The following ZNF75A variants were observed in gnomAD, a reference collection of about 807,000 sequenced individuals.
The protein encoded by ZNF75A is zinc finger protein 75A.
In ZNF75A, 36 loss-of-function variants were observed where a neutral mutation model predicts 46.3. That is an observed-to-expected ratio of 0.78 (90% CI 0.60 to 1.03). The LOEUF (loss-of-function observed/expected upper bound fraction) is 1.03. Among genes scored for constraint, ZNF75A ranks in the 50% least tolerant of loss-of-function variants. ZNF75A has a pLI of 0.00. For synonymous variants in ZNF75A, 234 were observed against 189.9 expected, an observed-to-expected ratio of 1.23 and a Z score of -1.91; for missense variants, 595 against 551.3, an observed-to-expected ratio of 1.08 and a Z score of -0.79.
At chr16:3,323,384 C>A (rs554593407), downstream of ZNF75A, 4 of 888,802 alleles carry the variant, frequency 4.5e-6, no homozygotes, top group Admixed American at 6.8e-5. Context: ...GCAAATGACA[C>A]CAAACTTCCC....
intron 3 of ZNF75A, 25 bp from the exon 4 acceptor site, chr16:3,312,652 T>A: frequency 1.0e-6 from 1 of 968,222 alleles, no homozygotes; most frequent in Non-Finnish European, 1.2e-6. Context: ...AAAAGAGATT[T>A]CTTCTGGCTC....
At chr16:3,312,881 G>C (rs1458718644) in intron 4 of ZNF75A, 113 bp downstream of exon 4, 12 of 1,169,324 alleles carry the variant, frequency 1.0e-5, no homozygotes, top group South Asian at 1.7e-5. Context: ...GGGCAACTGG[G>C]TACCTCCCAG....
chr16:3,308,074 C>T (rs563321366), intron 1 of ZNF75A: 1 of 152,306 alleles, frequency 6.6e-6, no homozygotes, highest in South Asian at 2.1e-4. Context: ...TTTTCTTACC[C>T]ACCAATCTTT....
downstream of ZNF75A, chr16:3,322,964 C>A: frequency 4.1e-6 from 4 of 983,866 alleles, no homozygotes; most frequent in Non-Finnish European, 4.8e-6. Flanking sequence ...AGGAGGCAGC[C>A]AATGTAGAAA....
downstream of ZNF75A, chr16:3,323,130 A>G (rs1716952557): frequency 2.2e-5 from 12 of 548,730 alleles, no homozygotes; most frequent in South Asian, 2.5e-4. Flanking sequence ...TCAAAAAAAC[A>G]AAAACACATG....
chr16:3,318,938 CA>C, downstream of ZNF75A: 1 of 725,240 alleles, frequency 1.4e-6, no homozygotes, highest in Non-Finnish European at 1.7e-6. Context: ...TTCTTTCCAG[CA>C]CAGCATTTAA....
chr16:3,312,330 C>CATA (rs1270609653), intron 3 of ZNF75A: 2 of 152,184 alleles, frequency 1.3e-5, no homozygotes, highest in Non-Finnish European at 2.9e-5. Context: ...CCAGGAAAAA[C>CATA]ATAATAAAAG....
At position 3,316,971 on chromosome 16, in the gene ZNF75A, T is replaced by C. The variant is rs200290388; in HGVS notation, c.883T>C (p.Trp295Arg). ...CTGTCTAGAGCAAGGGGAAGAGCCA[T>C]GGGTTCAAGTATCCCCGGAGTTTAA... ...ISCLEQGEEP[W>R]VQVSPEFKDS... The change falls in exon 6 of 7, where the codon TGG becomes CGG. Residue 295 changes from tryptophan to arginine, a missense_variant. Physicochemically the swap from Trp to Arg is moderately radical, Grantham distance 101. Transcript: ENST00000669516. 1.1e-5 allele frequency: 18 copies of C among 1,614,100 alleles called. No individual in the cohort carries two copies. In the East Asian group the frequency reaches 3.6e-4, roughly 32 times the overall value.
At chr16:3,318,981 G>T (rs1209222480), downstream of ZNF75A, 1 of 380,484 alleles carries the variant, frequency 2.6e-6, no homozygotes, top group Non-Finnish European at 3.6e-6. Context: ...TTGATGGATT[G>T]CCAAAAGTCT....
chr16:3,317,001 AG>A lies in ZNF75A; in HGVS notation c.914del (p.Ser305MetfsTer9). ...WVQVSPEFKD[S>X]AGKSPTGLKL... ...TCAAGTATCCCCGGAGTTTAAGGAT[AG>A]TGCCGGAAAATCTCCTACAGGTAAA... On this transcript the variant is annotated frameshift_variant, in exon 6 of 7. Coordinates refer to ENST00000669516, the MANE Select transcript of ZNF75A (RefSeq NM_001302109.2). LOFTEE classifies it high-confidence loss of function. 6.2e-7 allele frequency: 1 copy of A among 1,613,992 alleles called. No individual in the cohort carries two copies. Among genetic ancestry groups the A allele is most frequent in the East Asian group, 2.2e-5 (1 of 44,876 alleles).
chr16:3,315,086 C>CTTCCCT (rs1392444024), intron 5 of ZNF75A: 139 of 985,082 alleles, frequency 1.4e-4, no homozygotes, highest in Non-Finnish European at 1.6e-4. Context: ...ATCTTGATCC[C>CTTCCCT]TTCCCTTTCC....
chr16:3,313,293 T>A, intron 5 of ZNF75A, 118 bp downstream of exon 5: 1 of 1,033,080 alleles, frequency 9.7e-7, no homozygotes, highest in East Asian at 2.5e-5. Flanking sequence ...ATCTAGATGG[T>A]ATAGGGGAGG....
rs113640369 is a variant in ZNF75A, at chr16:3,309,930, G to GA, written c.408+1105dup. Among the ~76,000 whole-genome samples, 1,075 of 140,482 alleles carry GA rather than the reference G, an allele frequency of 7.7e-3. 6 individuals carry two copies. Among genetic ancestry groups the GA allele is most frequent in the Non-Finnish European group, 0.013 (804 of 63,946 alleles). The allele number at this position is 140,482 out of a possible 152,430, so 92.2% of individuals were successfully genotyped here. A position where few individuals can be genotyped will look rare whatever the true frequency, so the allele number is the denominator to read the frequency against. On this transcript the variant is annotated intron_variant, in intron 2 of 6. Coordinates refer to ENST00000669516, the MANE Select transcript of ZNF75A (RefSeq NM_001302109.2). Reference sequence around the variant, plus strand: ...GAACATAGTGTGACCTTGTTGCTATGAAAAAAAAAAAGAAAATAAGCCAGG... The same window carrying GA: ...GAACATAGTGTGACCTTGTTGCTATGAAAAAAAAAAAAGAAAATAAGCCAGG...
At position 3,308,833 on chromosome 16, in the gene ZNF75A, T is replaced by TG; in HGVS notation, c.408+1dup. 1.0e-6 allele frequency: 1 copy of TG among 985,750 alleles called. No homozygotes were observed. Among genetic ancestry groups the TG allele is most frequent in the Non-Finnish European group, 1.2e-6 (1 of 829,958 alleles). 61.1% of individuals were successfully genotyped at this position (985,750 alleles called of 1,614,324 possible). A position where few individuals can be genotyped will look rare whatever the true frequency, so the allele number is the denominator to read the frequency against. ...AGAGGGAATCTGGTCAAACATGGAA[T>TG]GGGGTGAGAAGAAAGATTCCTGACA... On this transcript the variant is annotated frameshift_variant, in exon 2 of 7. Transcript: ENST00000669516. LOFTEE classifies it high-confidence loss of function.
downstream of ZNF75A, among the ~76,000 whole-genome samples, chr16:3,320,195 G>A (rs930108532): frequency 2.6e-5 from 4 of 152,202 alleles, no homozygotes; most frequent in Non-Finnish European, 2.9e-5. Context: ...ACAGGTACCC[G>A]CCACCACGCC....
At chr16:3,322,750 T>A, downstream of ZNF75A, among the ~76,000 whole-genome samples, 1 of 152,110 alleles carries the variant, frequency 6.6e-6, no homozygotes. Flanking sequence ...AGTTAACATT[T>A]ATTTTTGGGC....
In ZNF75A at chr16:3,308,821, T is replaced by G; in HGVS notation, c.393T>G (p.Gly131=). 1 of 985,880 alleles carries G rather than the reference T, an allele frequency of 1.0e-6. No homozygotes were observed. The highest frequency in any genetic ancestry group is 1.2e-6 in the Non-Finnish European group (1 of 830,014). The allele number at this position is 985,880 out of a possible 1,614,324, so 61.1% of individuals were successfully genotyped here. ...ALVEHLQRES[G]QTWNGVAVHE... ...TAGAACACTTGCAGAGGGAATCTGG[T>G]CAAACATGGAATGGGGTGAGAAGAA... The change falls in exon 2 of 7, where the codon GGT becomes GGG. Residue 131 remains glycine, a synonymous_variant. Coordinates refer to ENST00000669516, the MANE Select transcript of ZNF75A (RefSeq NM_001302109.2).
downstream of ZNF75A, chr16:3,323,014 G>A (rs1280318405): frequency 5.1e-6 from 4 of 777,430 alleles, no homozygotes; most frequent in Non-Finnish European, 6.2e-6. Context: ...GTGATGAGAG[G>A]TACTTGCCAT....
chr16:3,322,992 T>G (rs977567611), downstream of ZNF75A: 3 of 934,240 alleles, frequency 3.2e-6, no homozygotes, highest in African/African-American at 5.3e-5. Context: ...AATTTTTCCT[T>G]GGAACTGGAC....
Sources: gnomAD v4.1 joint callset for allele counts (sites outside exome capture counted in the v4.1 genomes callset) on GRCh38, gnomAD v4.1.1 for gene constraint, MANE v1.5 for transcripts, NCBI Gene and HGNC (gene_info 2026-07-23, HGNC 2026-07-21) for gene names.